Variants in EFNA5 observed in about 807,000 individuals in gnomAD.
EFNA5 encodes ephrin-A5.
A neutral mutation model predicts 22.9 loss-of-function variants in EFNA5; 5 were observed. That is an observed-to-expected ratio of 0.22 (90% CI 0.11 to 0.46). EFNA5 has a LOEUF of 0.46. Ranked by LOEUF, EFNA5 falls within the 20% of genes least tolerant of loss-of-function variation. EFNA5 has a pLI of 0.99. For synonymous variants in EFNA5, 113 were observed against 112.2 expected (o/e 1.01, Z -0.04); for missense variants, 237 against 293.3 (o/e 0.81, Z 1.40).
chr5:107,455,339 T>C (rs1749671564), intron 1 of EFNA5, among the ~76,000 whole-genome samples: 1 of 152,146 alleles, frequency 6.6e-6, no homozygotes, highest in Admixed American at 6.6e-5. Flanking sequence ...CCCTCTTCAC[T>C]CGGATCATGA....
intron 1 of EFNA5, among the ~76,000 whole-genome samples, chr5:107,602,931 G>A (rs895617521): frequency 2.0e-5 from 3 of 152,156 alleles, no homozygotes; most frequent in Admixed American, 6.5e-5. Flanking sequence ...GGCAGGAGAC[G>A]TAGCCATCTG....
At chr5:107,531,604 C>T (rs1747812448) in intron 1 of EFNA5, among the ~76,000 whole-genome samples, 1 of 152,096 alleles carries the variant, frequency 6.6e-6, no homozygotes, top group South Asian at 2.1e-4. Context: ...TACTGGTGAG[C>T]TCATGGCCAA....
intron 1 of EFNA5, among the ~76,000 whole-genome samples, chr5:107,556,150 A>T (rs1029256077): frequency 6.6e-5 from 10 of 152,168 alleles, no homozygotes; most frequent in African/African-American, 2.2e-4. Context: ...GTGGATAAAC[A>T]TGCTATCCCC....
intron 1 of EFNA5, among the ~76,000 whole-genome samples, chr5:107,525,344 T>C (rs1258410985): frequency 6.6e-6 from 1 of 152,126 alleles, no homozygotes; most frequent in Non-Finnish European, 1.5e-5. Context: ...TATGTTGCTG[T>C]CTTATCTCTT....
At chr5:107,647,295 C>G (rs934344480) in intron 1 of EFNA5, among the ~76,000 whole-genome samples, 9 of 152,236 alleles carry the variant, frequency 5.9e-5, no homozygotes, top group South Asian at 2.1e-4. Context: ...TCTTCAGCAT[C>G]TCACAATGCA....
intron 1 of EFNA5, among the ~76,000 whole-genome samples, chr5:107,478,267 T>C (rs1750365746): frequency 6.6e-6 from 1 of 152,156 alleles, no homozygotes; most frequent in Admixed American, 6.5e-5. Context: ...TCCATAGTCA[T>C]AAAGACCTAG....
chr5:107,403,049 G>A (rs1298892011), intron 2 of EFNA5, among the ~76,000 whole-genome samples: 1 of 152,160 alleles, frequency 6.6e-6, no homozygotes, highest in African/African-American at 2.4e-5. Context: ...CCTCGCAGCA[G>A]GGGGGGAAGT....
chr5:107,387,720 A>C lies in EFNA5; in HGVS notation c.470T>G (p.Phe157Cys). The C allele has an allele frequency of 6.2e-7, 1 of 1,613,068 alleles. No homozygotes were observed. The highest frequency in any genetic ancestry group is 8.5e-7 in the Non-Finnish European group (1 of 1,179,330). The change falls in exon 3 of 5, where the codon TTT (phenylalanine) becomes TGT (cysteine). Residue 157 changes from phenylalanine to cysteine, a missense_variant. This residue lies in a region of EFNA5 where 104 missense variants were observed against 114.5 expected (regional missense o/e 0.91). Transcript: ENST00000333274. Reference sequence around the variant, plus strand: ...AGTGAACTTACTTGTTGGTCTCACAAAGACTTTGAGCTTTAGACAGGACCT... The same window carrying C: ...AGTGAACTTACTTGTTGGTCTCACACAGACTTTGAGCTTTAGACAGGACCT... ...GRRSCLKLKV[F>C]VRPTNSCMKT...
intron 1 of EFNA5, among the ~76,000 whole-genome samples, chr5:107,475,376 T>C (rs377362607): frequency 6.6e-6 from 1 of 152,190 alleles, no homozygotes; most frequent in East Asian, 1.9e-4. Context: ...GGCAGATGGT[T>C]TGTAGTGTTC....
intron 1 of EFNA5, among the ~76,000 whole-genome samples, chr5:107,560,156 C>T (rs1748504979): frequency 6.6e-6 from 1 of 152,150 alleles, no homozygotes; most frequent in Non-Finnish European, 1.5e-5. Flanking sequence ...TAAGAGATTG[C>T]TTTTACATTA....
At chr5:107,491,728 T>C (rs943855772) in intron 1 of EFNA5, among the ~76,000 whole-genome samples, 1 of 152,208 alleles carries the variant, frequency 6.6e-6, no homozygotes, top group East Asian at 1.9e-4. Context: ...AACTGAATAG[T>C]TGGAAAATAG....
chr5:107,537,793 G>A (rs1375449673), intron 1 of EFNA5, among the ~76,000 whole-genome samples: 1 of 151,992 alleles, frequency 6.6e-6, no homozygotes, highest in African/African-American at 2.4e-5. Context: ...CTACATCCAG[G>A]GACAAACATC....
chr5:107,551,580 T>C (rs980505957), intron 1 of EFNA5, among the ~76,000 whole-genome samples: 7 of 152,180 alleles, frequency 4.6e-5, no homozygotes, highest in Non-Finnish European at 8.8e-5. Flanking sequence ...CCCACGTGCC[T>C]GGAGTCCAGA....
chr5:107,544,987 C>G (rs541745090), intron 1 of EFNA5, among the ~76,000 whole-genome samples: 1 of 152,340 alleles, frequency 6.6e-6, no homozygotes, highest in African/African-American at 2.4e-5. Flanking sequence ...ATCCTTGAGG[C>G]TGATTTGAAG....
Position 107,451,436 on chromosome 5 carries a change from G to A in EFNA5, c.126-23927C>T, listed in dbSNP as rs914047304. ...AATTTTTTCCTAAGAGCCACAAATA[G>A]ACTCAATCAGTATTTCTAAATTTTA... On this transcript the variant is annotated intron_variant, in intron 1 of 4. Coordinates refer to ENST00000333274, the MANE Select transcript of EFNA5 (RefSeq NM_001962.3). Among the ~76,000 whole-genome samples the A allele has an allele frequency of 3.9e-5, 6 of 152,076 alleles. No individual in the cohort carries two copies. In the East Asian group the frequency reaches 9.6e-4, roughly 24 times the overall value.
At chr5:107,483,014 T>G (rs918355380) in intron 1 of EFNA5, among the ~76,000 whole-genome samples, 4 of 152,102 alleles carry the variant, frequency 2.6e-5, no homozygotes, top group Non-Finnish European at 4.4e-5. Flanking sequence ...TCATATCTCA[T>G]GAACCTCGGG....
In EFNA5 at chr5:107,427,415, T is replaced by C. The variant is rs775199182; in HGVS notation, c.220A>G (p.Thr74Ala). Reference sequence around the variant, plus strand: ...ACCATGTAGAGGACATAGCGCTCAGTCTTATCTTCTGGGACGGAGTCCTCA... The same window carrying C: ...ACCATGTAGAGGACATAGCGCTCAGCCTTATCTTCTGGGACGGAGTCCTCA... ...HYEDSVPEDK[T>A]ERYVLYMVNF... Residue 74 changes from threonine (T) to alanine (A), a missense_variant, in exon 2 of 5, where the codon ACT becomes GCT. Physicochemically the swap from Thr to Ala is moderately conservative, Grantham distance 58 (BLOSUM62 0). Coordinates refer to ENST00000333274, the MANE Select transcript of EFNA5 (RefSeq NM_001962.3). 3.7e-6 allele frequency: 6 copies of C among 1,613,918 alleles called. No homozygotes were observed. The African/African-American group carries it at 4.0e-5, about 11-fold the overall frequency.
At chr5:107,617,611 T>G (rs1358139738) in intron 1 of EFNA5, among the ~76,000 whole-genome samples, 1 of 152,176 alleles carries the variant, frequency 6.6e-6, no homozygotes, top group African/African-American at 2.4e-5. Context: ...AGAGGCAAGT[T>G]TGCCTGAAGA....
intron 2 of EFNA5, among the ~76,000 whole-genome samples, chr5:107,415,761 G>T (rs1035871760): frequency 6.6e-6 from 1 of 152,232 alleles, no homozygotes; most frequent in Non-Finnish European, 1.5e-5. Flanking sequence ...GTAACTGCAA[G>T]TCTGTAAAAC....
Sources: gnomAD v4.1 joint callset for allele counts (sites outside exome capture counted in the v4.1 genomes callset) on GRCh38, gnomAD v4.1.1 for gene constraint, gnomAD v4.1.1 regional missense constraint, MANE v1.5 for transcripts, NCBI Gene and HGNC (gene_info 2026-07-23, HGNC 2026-07-21) for gene names.